NETO1: variants seen among roughly 807,000 people sequenced by gnomAD.
NETO1 encodes neuropilin and tolloid like 1.
NETO1 carries 26 observed loss-of-function variants against 61.3 expected under a neutral mutation model. That is an observed-to-expected ratio of 0.42 (90% CI 0.31 to 0.59). The LOEUF is 0.59. Among genes scored for constraint, NETO1 ranks in the 20% least tolerant of loss-of-function variants. The pLI is 0.12. For synonymous variants in NETO1, 225 were observed against 225.8 expected, an observed-to-expected ratio of 1.00 and a Z score of 0.03; for missense variants, 531 against 662.8, an observed-to-expected ratio of 0.80 and a Z score of 2.18.
intron 7 of NETO1, among the ~76,000 whole-genome samples, chr18:72,782,126 T>C (rs1015954310): frequency 6.6e-6 from 1 of 152,180 alleles, no homozygotes; most frequent in Non-Finnish European, 1.5e-5. Flanking sequence ...TATATTAGAC[T>C]TCTAAGGATA....
chr18:72,849,930 T>C (rs2074200191), intron 4 of NETO1, among the ~76,000 whole-genome samples: 1 of 152,200 alleles, frequency 6.6e-6, no homozygotes, highest in South Asian at 2.1e-4. Context: ...GTTTCTTACA[T>C]CCCATCACCC....
chr18:72,749,180 A>G (rs1451392061), intron 9 of NETO1, 92 bp from the exon 10 acceptor site: 1 of 820,784 alleles, frequency 1.2e-6, no homozygotes, highest in Non-Finnish European at 2.1e-6. Flanking sequence ...TTTAAAATTC[A>G]GAAAACTGTG....
intron 4 of NETO1, among the ~76,000 whole-genome samples, chr18:72,828,078 C>A (rs1174684540): frequency 6.6e-6 from 1 of 151,960 alleles, no homozygotes; most frequent in African/African-American, 2.4e-5. Context: ...TTTGTGAGGC[C>A]AAGGCCAGCG....
chr18:72,788,350 C>T (rs1035507423), intron 6 of NETO1, among the ~76,000 whole-genome samples: 4 of 151,972 alleles, frequency 2.6e-5, no homozygotes, highest in Non-Finnish European at 5.9e-5. Flanking sequence ...TTTACTGGGT[C>T]CAGAGCTGTC....
chr18:72,861,472 C>T (rs896928721), intron 3 of NETO1, among the ~76,000 whole-genome samples: 1 of 152,210 alleles, frequency 6.6e-6, no homozygotes, highest in African/African-American at 2.4e-5. Context: ...CACAGCTGCC[C>T]TTCCTTTTAA....
intron 4 of NETO1, among the ~76,000 whole-genome samples, chr18:72,813,305 C>T (rs562749239): frequency 6.6e-6 from 1 of 152,220 alleles, no homozygotes; most frequent in Non-Finnish European, 1.5e-5. Flanking sequence ...ACGGATTATG[C>T]ATGGGCTGCA....
intron 6 of NETO1, among the ~76,000 whole-genome samples, chr18:72,790,278 A>T (rs1268057243): frequency 6.6e-6 from 1 of 152,204 alleles, no homozygotes; most frequent in African/African-American, 2.4e-5. Flanking sequence ...TCATTCCATG[A>T]TGGAAACATC....
intron 4 of NETO1, among the ~76,000 whole-genome samples, chr18:72,855,779 A>G (rs905435865): frequency 2.0e-5 from 3 of 152,230 alleles, no homozygotes; most frequent in African/African-American, 7.2e-5. Flanking sequence ...GAGACTGGAC[A>G]CTGGGACCCA....
intron 4 of NETO1, among the ~76,000 whole-genome samples, chr18:72,817,984 C>T (rs1291507249): frequency 6.6e-6 from 1 of 152,166 alleles, no homozygotes; most frequent in Non-Finnish European, 1.5e-5. Flanking sequence ...AGTGGATCCT[C>T]ATGCAGGTGA....
At chr18:72,755,809 A>C (rs1232020031) in intron 8 of NETO1, among the ~76,000 whole-genome samples, 1 of 152,134 alleles carries the variant, frequency 6.6e-6, no homozygotes, top group Non-Finnish European at 1.5e-5. Context: ...TTTAATGAGA[A>C]TTCAAGTACT....
At chr18:72,760,052 C>G (rs1379765182) in intron 7 of NETO1, among the ~76,000 whole-genome samples, 2 of 152,158 alleles carry the variant, frequency 1.3e-5, no homozygotes, top group African/African-American at 4.8e-5. Flanking sequence ...TGTCACTGAA[C>G]TACTTGAAAT....
chr18:72,834,216 T>A (rs1013955854), intron 4 of NETO1: 90 of 630,242 alleles, frequency 1.4e-4, no homozygotes, highest in Non-Finnish European at 1.7e-4. Context: ...TACTGTAAAA[T>A]ACGTATTAAT....
At chr18:72,802,011 AC>A (rs1841904467) in intron 4 of NETO1, among the ~76,000 whole-genome samples, 1 of 152,086 alleles carries the variant, frequency 6.6e-6, no homozygotes, top group Admixed American at 6.6e-5. Flanking sequence ...AATCAAACAA[AC>A]CTGTAAATAA....
chr18:72,766,789 T>A (rs2053210846), intron 7 of NETO1, among the ~76,000 whole-genome samples: 1 of 147,014 alleles, frequency 6.8e-6, no homozygotes, highest in African/African-American at 2.4e-5. Flanking sequence ...ATATAAAAAA[T>A]CTTTCCTTGT....
chr18:72,777,052 T>C (rs1024821070), intron 7 of NETO1, among the ~76,000 whole-genome samples: 5 of 152,188 alleles, frequency 3.3e-5, no homozygotes, highest in Non-Finnish European at 7.3e-5. Context: ...AGGACAGTCA[T>C]GCCCAGTCCA....
intron 3 of NETO1, among the ~76,000 whole-genome samples, chr18:72,864,403 T>C (rs1361396598): frequency 6.6e-6 from 1 of 152,244 alleles, no homozygotes; most frequent in African/African-American, 2.4e-5. Context: ...AATACGATTT[T>C]TGTAATTTAT....
At chr18:72,834,536 T>C in intron 4 of NETO1, 1 of 966,340 alleles carries the variant, frequency 1.0e-6, no homozygotes, top group Non-Finnish European at 1.2e-6. Context: ...TTACTATATA[T>C]AATATAAAAG....
At chr18:72,751,221 C>A (rs2070605552) in intron 8 of NETO1, among the ~76,000 whole-genome samples, 1 of 152,066 alleles carries the variant, frequency 6.6e-6, no homozygotes, top group Non-Finnish European at 1.5e-5. Flanking sequence ...AAAAACTCAA[C>A]CAATTAAAGC....
intron 4 of NETO1, among the ~76,000 whole-genome samples, chr18:72,846,120 G>C (rs1260270600): frequency 2.0e-5 from 3 of 151,612 alleles, no homozygotes; most frequent in Admixed American, 6.6e-5. Flanking sequence ...ATAAAGATTG[G>C]GGCTGACTGG....
Sources: gnomAD v4.1 joint callset for allele counts (sites outside exome capture counted in the v4.1 genomes callset) on GRCh38, gnomAD v4.1.1 for gene constraint, MANE v1.5 for transcripts, NCBI Gene and HGNC (gene_info 2026-07-23, HGNC 2026-07-21) for gene names.